The following MTUS2 variants were observed in gnomAD, a reference collection of about 807,000 sequenced individuals.
MTUS2 encodes microtubule associated scaffold protein 2.
MTUS2 carries 40 observed loss-of-function variants against 114.1 expected under a neutral mutation model. That is an observed-to-expected ratio of 0.35 (90% confidence interval 0.27 to 0.46). The LOEUF (loss-of-function observed/expected upper bound fraction) is 0.46, where lower values mean the gene tolerates loss of function less well. Among genes scored for constraint, MTUS2 ranks in the 20% least tolerant of loss-of-function variants. The pLI is 1.00. For missense variants in MTUS2, 1,679 were observed against 1,705.4 expected (o/e 0.98, Z 0.27); for synonymous variants, 688 against 672.0 (o/e 1.02, Z -0.37).
At chr13:28,924,007 A>C (rs1005372250) in intron 2 of MTUS2, among the ~76,000 whole-genome samples, 1 of 151,892 alleles carries the variant, frequency 6.6e-6, no homozygotes. Flanking sequence ...TCCCCTAGTC[A>C]CTTATTGTCT....
chr13:29,033,354 C>T (rs944211336), intron 3 of MTUS2, among the ~76,000 whole-genome samples: 3 of 152,076 alleles, frequency 2.0e-5, no homozygotes, highest in African/African-American at 7.2e-5. Context: ...CCATTAACTT[C>T]CCTATTTTTC....
At chr13:29,333,578 G>T (rs1006006484) in intron 7 of MTUS2, among the ~76,000 whole-genome samples, 1 of 152,074 alleles carries the variant, frequency 6.6e-6, no homozygotes, top group Non-Finnish European at 1.5e-5. Context: ...ACATTCTTTT[G>T]CATTTTCTGA....
intron 4 of MTUS2, among the ~76,000 whole-genome samples, chr13:29,039,001 G>A (rs560380771): frequency 6.6e-6 from 1 of 152,350 alleles, no homozygotes; most frequent in Admixed American, 6.5e-5. Context: ...ATGCTCAGGA[G>A]TGGTGGGCTG....
intron 2 of MTUS2, among the ~76,000 whole-genome samples, chr13:28,917,166 G>T (rs1453368238): frequency 6.6e-6 from 1 of 151,910 alleles, no homozygotes; most frequent in Non-Finnish European, 1.5e-5. Flanking sequence ...TGGTTTGCTA[G>T]TATTTTGTTG....
chr13:29,490,359 C>T (rs1259864909), intron 11 of MTUS2, among the ~76,000 whole-genome samples: 5 of 152,204 alleles, frequency 3.3e-5, no homozygotes, highest in Admixed American at 6.5e-5. Context: ...GCCTCCAGTA[C>T]GCTACCATTC....
At chr13:29,346,242 G>A (rs1868667654) in intron 7 of MTUS2, among the ~76,000 whole-genome samples, 1 of 152,136 alleles carries the variant, frequency 6.6e-6, no homozygotes, top group Non-Finnish European at 1.5e-5. Context: ...TTCTTAGGTG[G>A]TGGACAGGGC....
intron 5 of MTUS2, among the ~76,000 whole-genome samples, chr13:29,252,292 G>A (rs868224829): frequency 6.6e-6 from 1 of 152,002 alleles, no homozygotes; most frequent in Admixed American, 6.6e-5. Context: ...TGAAATACTC[G>A]TTCCCGTGGA....
chr13:29,135,399 C>T (rs912150146), intron 5 of MTUS2, among the ~76,000 whole-genome samples: 2 of 152,204 alleles, frequency 1.3e-5, no homozygotes, highest in African/African-American at 4.8e-5. Flanking sequence ...TATCCTTTCA[C>T]TTTCAACCTA....
chr13:29,149,470 A>G (rs574334939), intron 5 of MTUS2, among the ~76,000 whole-genome samples: 2 of 152,154 alleles, frequency 1.3e-5, no homozygotes, highest in African/African-American at 4.8e-5. Flanking sequence ...CCCCTTCTAT[A>G]GGTTGCTTGT....
chr13:29,176,684 C>G (rs935632292), intron 5 of MTUS2, among the ~76,000 whole-genome samples: 2 of 152,074 alleles, frequency 1.3e-5, no homozygotes, highest in Non-Finnish European at 2.9e-5. Context: ...CACGAGGGCT[C>G]CACCCTCATG....
chr13:29,243,545 T>G (rs563482740), intron 5 of MTUS2, among the ~76,000 whole-genome samples: 32 of 152,352 alleles, frequency 2.1e-4, no homozygotes, highest in African/African-American at 7.0e-4. Context: ...AAGTAAGGGC[T>G]ACTCTTTTGA....
intron 7 of MTUS2, among the ~76,000 whole-genome samples, chr13:29,355,542 C>T (rs919251738): frequency 6.6e-6 from 1 of 152,238 alleles, no homozygotes; most frequent in African/African-American, 2.4e-5. Context: ...AGACCAACAG[C>T]CAGGCCTGGC....
intron 5 of MTUS2, among the ~76,000 whole-genome samples, chr13:29,279,158 T>C (rs182169472): frequency 1.1e-4 from 17 of 152,296 alleles, no homozygotes; most frequent in Non-Finnish European, 1.9e-4. Context: ...AGATTATCAC[T>C]ATCCCCGCTT....
At chr13:28,877,415 G>A (rs1878014095) in intron 2 of MTUS2, among the ~76,000 whole-genome samples, 2 of 151,978 alleles carry the variant, frequency 1.3e-5, no homozygotes, top group Non-Finnish European at 2.9e-5. Context: ...AAAACAACTT[G>A]GTAGGTATAT....
intron 2 of MTUS2, among the ~76,000 whole-genome samples, chr13:28,955,613 A>G (rs943190770): frequency 6.6e-6 from 1 of 152,194 alleles, no homozygotes; most frequent in Admixed American, 6.5e-5. Flanking sequence ...CACTGCTGAA[A>G]TGAAAGCTTC....
At chr13:29,471,457 C>G (rs1424611419) in intron 9 of MTUS2, among the ~76,000 whole-genome samples, 1 of 152,202 alleles carries the variant, frequency 6.6e-6, no homozygotes, top group Non-Finnish European at 1.5e-5. Context: ...GCTTGTCACA[C>G]AAGAGATGAC....
At chr13:29,302,654 G>A (rs761102017) in intron 6 of MTUS2, among the ~76,000 whole-genome samples, 21 of 152,194 alleles carry the variant, frequency 1.4e-4, no homozygotes, top group Non-Finnish European at 2.9e-4. Context: ...GTCTCCCTGA[G>A]ATGGATTCAA....
intron 6 of MTUS2, among the ~76,000 whole-genome samples, chr13:29,306,600 C>T (rs1299157501): frequency 6.6e-6 from 1 of 152,186 alleles, no homozygotes; most frequent in Non-Finnish European, 1.5e-5. Flanking sequence ...AGGACCTCTT[C>T]AAGGAAAACT....
intron 4 of MTUS2, among the ~76,000 whole-genome samples, chr13:29,038,565 C>T (rs1887189874): frequency 6.6e-6 from 1 of 152,230 alleles, no homozygotes; most frequent in South Asian, 2.1e-4. Flanking sequence ...AGAGCTCCAG[C>T]GCTGTGCTGG....
Sources: gnomAD v4.1 joint callset for allele counts (sites outside exome capture counted in the v4.1 genomes callset) on GRCh38, gnomAD v4.1.1 for gene constraint, MANE v1.5 for transcripts, NCBI Gene and HGNC (gene_info 2026-07-23, HGNC 2026-07-21) for gene names.